The following SNX29 variants were observed in gnomAD, a reference collection of about 807,000 sequenced individuals.
SNX29 encodes sorting nexin-29.
A neutral mutation model predicts 102.1 loss-of-function variants in SNX29; 78 were observed. The ratio of observed to expected loss-of-function variants is 0.76; its 90% confidence interval spans 0.64 to 0.92. SNX29 has a LOEUF of 0.92. SNX29 is among the 40% of genes least tolerant of loss of function. SNX29 has a pLI of 0.00. For synonymous variants in SNX29, 580 were observed against 414.5 expected, an observed-to-expected ratio of 1.40 and a Z score of -4.85; for missense variants, 1,280 against 1,061.7, an observed-to-expected ratio of 1.21 and a Z score of -2.86.
intron 20 of SNX29, chr16:12,557,761 AAC>A (rs1567196362): frequency 6.6e-6 from 1 of 152,220 alleles, no homozygotes; most frequent in African/African-American, 2.4e-5. Context: ...GTCACTAAGC[AAC>A]AGATATTTTT....
intron 14 of SNX29, among the ~76,000 whole-genome samples, chr16:12,237,693 G>A (rs549448223): frequency 6.7e-6 from 1 of 150,290 alleles, no homozygotes; most frequent in South Asian, 2.2e-4. Context: ...GATCACCTGA[G>A]GTCAGGAGTT....
chr16:12,515,905 C>T (rs907477458), intron 19 of SNX29, among the ~76,000 whole-genome samples: 1 of 152,122 alleles, frequency 6.6e-6, no homozygotes, highest in Admixed American at 6.5e-5. Context: ...GAGTTAACTT[C>T]TCATTCATGT....
intron 19 of SNX29, among the ~76,000 whole-genome samples, chr16:12,505,763 CAAAAAAAA>C (rs61113263): frequency 1.3e-5 from 1 of 75,876 alleles, no homozygotes. Flanking sequence ...GTCAATTCTG[CAAAAAAAA>C]AAAAAAAAAA....
intron 15 of SNX29, among the ~76,000 whole-genome samples, chr16:12,297,499 C>G (rs528696278): frequency 6.6e-4 from 101 of 152,142 alleles, no homozygotes; most frequent in African/African-American, 2.4e-3. Flanking sequence ...TCCTCCGCAT[C>G]CCTGGCTTCC....
intron 18 of SNX29, among the ~76,000 whole-genome samples, chr16:12,444,048 G>C (rs755970856): frequency 6.6e-6 from 1 of 151,838 alleles, no homozygotes; most frequent in African/African-American, 2.4e-5. Flanking sequence ...CACCTAGCAC[G>C]TAGTAAGCAC....
At position 12,243,977 on chromosome 16, in the gene SNX29, G is replaced by C. The variant is rs562400516; in HGVS notation, c.1679-33956G>C. 2.0e-5 allele frequency among the ~76,000 whole-genome samples: 3 copies of C among 152,326 alleles called. No homozygotes were observed. The East Asian group carries it at 5.8e-4, about 29-fold the overall frequency. ...TCTCACCAATAAAATTACTCTACTG[G>C]TGGTGGGGGTGGTGGTTTCAAGATA... is the stretch of plus-strand genomic sequence containing the variant. On this transcript the variant is annotated intron_variant, in intron 14 of 20. Transcript: ENST00000566228.
chr16:12,063,203 G>A (rs942774281), intron 9 of SNX29, among the ~76,000 whole-genome samples: 1 of 151,998 alleles, frequency 6.6e-6, no homozygotes, highest in African/African-American at 2.4e-5. Context: ...CACATGCCAA[G>A]GCCCCTGGTG....
Position 12,512,369 on chromosome 16 carries a change from AATATATATATATATATATAT to A in SNX29, c.2179-12303_2179-12284del, listed in dbSNP as rs58157322. On this transcript the variant is annotated intron_variant, in intron 19 of 20. Coordinates refer to ENST00000566228, the MANE Select transcript of SNX29 (RefSeq NM_032167.5). ...CGTCCATCATGGAAGGCCCAGGGAAAATATATATATATATATATATATATATATATATATATATATATATA... is the reference window on the plus strand; with the variant it reads ...CGTCCATCATGGAAGGCCCAGGGAAAATATATATATATATATATATATATA... 2.0e-3 allele frequency among the ~76,000 whole-genome samples: 89 copies of A among 43,940 alleles called. 4 individuals carry two copies. Among genetic ancestry groups the A allele is most frequent in the Admixed American group, 5.8e-3 (22 of 3,764 alleles). The allele number at this position is 43,940 out of a possible 152,430, so 28.8% of individuals were successfully genotyped here.
intron 15 of SNX29, among the ~76,000 whole-genome samples, chr16:12,294,347 ACT>A (rs1250764642): frequency 6.6e-6 from 1 of 151,452 alleles, no homozygotes. Flanking sequence ...AGACAGTGTC[ACT>A]CTCAGTGGAA....
At chr16:12,196,076 A>T (rs2076766071) in intron 13 of SNX29, among the ~76,000 whole-genome samples, 1 of 150,634 alleles carries the variant, frequency 6.6e-6, no homozygotes, top group African/African-American at 2.4e-5. Flanking sequence ...CCCCGGCTCA[A>T]ACGATCCTCC....
At chr16:12,537,096 C>A (rs185169317) in intron 20 of SNX29, among the ~76,000 whole-genome samples, 1 of 152,230 alleles carries the variant, frequency 6.6e-6, no homozygotes, top group Non-Finnish European at 1.5e-5. Context: ...TCTCCACCCA[C>A]GGTCAGTCCC....
At chr16:12,021,879 A>G (rs1391443812) in intron 3 of SNX29, among the ~76,000 whole-genome samples, 3 of 151,434 alleles carry the variant, frequency 2.0e-5, no homozygotes, top group Non-Finnish European at 4.4e-5. Flanking sequence ...GAACAGAGCG[A>G]GGCTCCATCT....
intron 19 of SNX29, among the ~76,000 whole-genome samples, chr16:12,488,361 A>G (rs926277815): frequency 6.6e-6 from 1 of 152,062 alleles, no homozygotes; most frequent in African/African-American, 2.4e-5. Context: ...CTTCAAAAAC[A>G]TGAGCCGCCC....
At position 12,573,685 on chromosome 16, in the gene SNX29, C is replaced by T. The variant is rs893418580; in HGVS notation, c.*5056C>T. On this transcript the variant is annotated 3_prime_UTR_variant, in exon 21 of 21. Transcript: ENST00000566228. Reference sequence around the variant, plus strand: ...CAGTGTAGGTAAGACAGAGGATGCCCTTGCAAAAATTGGGACTGAGGACAG... The same window carrying T: ...CAGTGTAGGTAAGACAGAGGATGCCTTTGCAAAAATTGGGACTGAGGACAG... 1 of 223,338 alleles carries T rather than the reference C, an allele frequency of 4.5e-6. No homozygotes were observed. The highest frequency in any genetic ancestry group is 2.2e-5 in the African/African-American group (1 of 44,760). 13.8% of individuals were successfully genotyped at this position (223,338 alleles called of 1,614,324 possible).
intron 20 of SNX29, among the ~76,000 whole-genome samples, chr16:12,539,949 T>TA (rs1341496409): frequency 3.5e-4 from 53 of 152,336 alleles, no homozygotes; most frequent in East Asian, 1.2e-3. Flanking sequence ...GCAAGACCTT[T>TA]GTCGAACATG....
chr16:12,138,794 CT>C (rs2054757053), intron 13 of SNX29, among the ~76,000 whole-genome samples: 1 of 152,050 alleles, frequency 6.6e-6, no homozygotes, highest in African/African-American at 2.4e-5. Flanking sequence ...TATCACTAGG[CT>C]GCTGGCAAAA....
chr16:12,395,874 G>A (rs1011567157), intron 16 of SNX29, among the ~76,000 whole-genome samples: 2 of 152,248 alleles, frequency 1.3e-5, no homozygotes, highest in African/African-American at 4.8e-5. Context: ...TTGAAAGACA[G>A]CAAGAAAAGA....
At chr16:12,027,641 C>G (rs188223896) in intron 4 of SNX29, 197 bp downstream of exon 4, 7 of 584,704 alleles carry the variant, frequency 1.2e-5, no homozygotes, top group Admixed American at 1.1e-4. Flanking sequence ...ATGAAGTCAT[C>G]TTTTGTGCAG....
chr16:12,469,187 G>T (rs1392761612), intron 18 of SNX29, among the ~76,000 whole-genome samples: 1 of 152,210 alleles, frequency 6.6e-6, no homozygotes, highest in Non-Finnish European at 1.5e-5. Flanking sequence ...GTACTAGGCT[G>T]CCTCATTTAC....
Sources: gnomAD v4.1 joint callset for allele counts (sites outside exome capture counted in the v4.1 genomes callset) on GRCh38, gnomAD v4.1.1 for gene constraint, MANE v1.5 for transcripts, NCBI Gene and HGNC (gene_info 2026-07-23, HGNC 2026-07-21) for gene names.